The following BTBD10 variants were observed in gnomAD, a reference collection of about 807,000 sequenced individuals.
BTBD10 encodes BTB/POZ domain-containing protein 10.
In BTBD10, 21 loss-of-function variants were observed where a neutral mutation model predicts 53.2. The ratio of observed to expected loss-of-function variants is 0.39; its 90% CI spans 0.28 to 0.57. The LOEUF is 0.57. Ranked by LOEUF, BTBD10 falls within the 20% of genes least tolerant of loss-of-function variation. BTBD10 has a pLI of 0.53. For synonymous variants in BTBD10, 149 were observed against 192.7 expected (o/e 0.77, Z 1.88); for missense variants, 360 against 594.7 (o/e 0.61, Z 4.10).
rs1268761957 is a variant in BTBD10, at chr11:13,396,353, T to A, written c.1117+6815A>T. On this transcript the variant is annotated intron_variant, in intron 8 of 8. Coordinates refer to ENST00000278174, the MANE Select transcript of BTBD10 (RefSeq NM_032320.7). ...TGGCTCTCTGTTTGTCTGTTATTGGTGTATAAGAATGCTTGTTGAGTTTTG... is the reference window on the plus strand; with the variant it reads ...TGGCTCTCTGTTTGTCTGTTATTGGAGTATAAGAATGCTTGTTGAGTTTTG... 5.3e-5 allele frequency among the ~76,000 whole-genome samples: 8 copies of A among 152,300 alleles called. No individual in the cohort carries two copies. In the East Asian group the frequency reaches 1.5e-3, roughly 29 times the overall value.
chr11:13,442,315 G>T (rs1348340636), intron 2 of BTBD10, among the ~76,000 whole-genome samples: 1 of 152,080 alleles, frequency 6.6e-6, no homozygotes, highest in East Asian at 1.9e-4. Flanking sequence ...AATACCAGGG[G>T]TTCATTACAT....
intron 8 of BTBD10, among the ~76,000 whole-genome samples, chr11:13,390,437 G>A (rs899034780): frequency 6.6e-5 from 10 of 151,678 alleles, no homozygotes; most frequent in African/African-American, 9.7e-5. Context: ...TCTGTCTTCC[G>A]GGTTCAAGAG....
intron 1 of BTBD10, among the ~76,000 whole-genome samples, chr11:13,458,151 A>C (rs1951011972): frequency 2.6e-5 from 4 of 151,828 alleles, no homozygotes; most frequent in South Asian, 4.1e-4. Flanking sequence ...AAAAAAAAAA[A>C]AAAAAAACTG....
chr11:13,400,194 C>T (rs1949678427), intron 8 of BTBD10, among the ~76,000 whole-genome samples: 1 of 152,256 alleles, frequency 6.6e-6, no homozygotes. Context: ...GTGGGCTCCA[C>T]CCAGTTCGAG....
intron 6 of BTBD10, among the ~76,000 whole-genome samples, chr11:13,406,679 G>C (rs1040782956): frequency 1.6e-4 from 25 of 151,618 alleles, no homozygotes; most frequent in African/African-American, 4.6e-4. Flanking sequence ...AACTGGAGAA[G>C]GGGTGAAGGA....
chr11:13,400,513 G>T (rs936009449), intron 8 of BTBD10, among the ~76,000 whole-genome samples: 3 of 152,218 alleles, frequency 2.0e-5, no homozygotes, highest in Non-Finnish European at 4.4e-5. Context: ...GCGATGCCTC[G>T]CCCTGCTTCG....
chr11:13,401,055 T>C (rs1183018077), intron 8 of BTBD10, among the ~76,000 whole-genome samples: 2 of 151,840 alleles, frequency 1.3e-5, no homozygotes, highest in East Asian at 3.9e-4. Context: ...TTCTTTAATT[T>C]TGTTGGGTAT....
chr11:13,461,161 T>C (rs1160781476), intron 1 of BTBD10, among the ~76,000 whole-genome samples: 1 of 152,192 alleles, frequency 6.6e-6, no homozygotes, highest in Non-Finnish European at 1.5e-5. Context: ...TTTCCAGTCA[T>C]AAAATTTATT....
chr11:13,455,003 C>T (rs890094665), intron 1 of BTBD10, among the ~76,000 whole-genome samples: 3 of 152,166 alleles, frequency 2.0e-5, no homozygotes, highest in Non-Finnish European at 2.9e-5. Context: ...CTCTGCCTCC[C>T]GGGTTCAAGC....
intron 1 of BTBD10, among the ~76,000 whole-genome samples, chr11:13,458,144 A>G (rs1012658651): frequency 6.6e-6 from 1 of 151,566 alleles, no homozygotes. Flanking sequence ...TCAAAAAAAA[A>G]AAAAAAAAAA....
chr11:13,406,873 T>C (rs759861302), intron 6 of BTBD10, among the ~76,000 whole-genome samples: 4 of 152,216 alleles, frequency 2.6e-5, no homozygotes, highest in South Asian at 4.1e-4. Flanking sequence ...CCAGGCTGGC[T>C]ATTTCCCATT....
intron 2 of BTBD10, among the ~76,000 whole-genome samples, chr11:13,441,306 C>A (rs10832036): frequency 0.44 from 66,392 of 151,760 alleles, 16,314 homozygotes; most frequent in South Asian, 0.62. Flanking sequence ...ACTGAATATT[C>A]CCAACACAAA....
intron 1 of BTBD10, among the ~76,000 whole-genome samples, chr11:13,447,981 G>A (rs1262210300): frequency 3.3e-5 from 5 of 152,038 alleles, no homozygotes; most frequent in Non-Finnish European, 5.9e-5. Flanking sequence ...AACTGTAAAT[G>A]GTTGAAAGGC....
At chr11:13,460,225 A>G (rs1331241383) in intron 1 of BTBD10, among the ~76,000 whole-genome samples, 1 of 152,230 alleles carries the variant, frequency 6.6e-6, no homozygotes, top group Non-Finnish European at 1.5e-5. Flanking sequence ...TCTCTGCACA[A>G]GTTATGATAA....
At chr11:13,424,207 A>G (rs940407364) in intron 2 of BTBD10, among the ~76,000 whole-genome samples, 9 of 152,202 alleles carry the variant, frequency 5.9e-5, no homozygotes, top group African/African-American at 2.2e-4. Flanking sequence ...CTGGTAATTT[A>G]ATGGACAAGG....
chr11:13,462,393 A>G (rs1190530137), intron 1 of BTBD10, among the ~76,000 whole-genome samples: 3 of 152,226 alleles, frequency 2.0e-5, no homozygotes, highest in Admixed American at 1.3e-4. Flanking sequence ...ATCTTTCAGC[A>G]TGTCTGGACT....
intron 8 of BTBD10, 27 bp from the exon 9 acceptor site, chr11:13,389,168 T>C (rs1949338733): frequency 6.3e-7 from 1 of 1,586,502 alleles, no homozygotes; most frequent in African/African-American, 1.4e-5. Context: ...TTTTAAAAAC[T>C]GAGGAGACAC....
chr11:13,431,849 G>A (rs1950453820), intron 2 of BTBD10, among the ~76,000 whole-genome samples: 1 of 152,018 alleles, frequency 6.6e-6, no homozygotes, highest in South Asian at 2.1e-4. Context: ...AAAAACATCA[G>A]GGCCTTGTTT....
chr11:13,417,119 C>G (rs774915987), intron 5 of BTBD10, 39 bp downstream of exon 5: 1 of 1,444,200 alleles, frequency 6.9e-7, no homozygotes. Context: ...TCCAAGAAGG[C>G]GTCTTATGAT....
Sources: gnomAD v4.1 joint callset for allele counts (sites outside exome capture counted in the v4.1 genomes callset) on GRCh38, gnomAD v4.1.1 for gene constraint, MANE v1.5 for transcripts, NCBI Gene and HGNC (gene_info 2026-07-23, HGNC 2026-07-21) for gene names.